EP400: variants seen among roughly 807,000 people sequenced by gnomAD.
EP400 encodes E1A-binding protein p400.
A neutral mutation model predicts 354.1 loss-of-function variants in EP400; 105 were observed. That is an observed-to-expected ratio of 0.30 (90% CI 0.25 to 0.35). The LOEUF is 0.35. Ranked by LOEUF, EP400 falls within the 10% of genes least tolerant of loss-of-function variation. EP400 has a pLI of 1.00. For missense variants in EP400, 3,280 were observed against 4,121.0 expected (o/e 0.80, Z 5.59); for synonymous variants, 1,646 against 1,716.9 (o/e 0.96, Z 1.02).
chr12:132,077,571 C>T lies in EP400; in HGVS notation c.9270C>T (p.Ala3090=), dbSNP rs1334666014. Residue 3090 remains alanine (A), a synonymous_variant, in exon 53 of 53, where the codon GCC becomes GCT. Coordinates refer to ENST00000389561, the MANE Select transcript of EP400 (RefSeq NM_015409.5). ...AGACTCCAGGCGCTCCCAACCCAGC[C>T]CAGGTGCCCGCCAGCTCCGACAGCC... is the stretch of plus-strand genomic sequence containing the variant. ...PLQTPGAPNP[A]QVPASSDSPS... The T allele has an allele frequency of 6.2e-7, 1 of 1,613,906 alleles. No individual in the cohort carries two copies. Among genetic ancestry groups the T allele is most frequent in the South Asian group, 1.1e-5 (1 of 91,074 alleles).
chr12:132,040,463 C>T (rs1343981082), intron 32 of EP400, among the ~76,000 whole-genome samples: 5 of 152,208 alleles, frequency 3.3e-5, no homozygotes, highest in Non-Finnish European at 7.3e-5. Flanking sequence ...GGAATCAACC[C>T]AAGTGTCCAT....
intron 1 of EP400, among the ~76,000 whole-genome samples, chr12:131,952,789 A>G (rs1001140807): frequency 6.6e-6 from 1 of 152,020 alleles, no homozygotes; most frequent in Admixed American, 6.6e-5. Flanking sequence ...CCTTGGTGTG[A>G]ACGTACCGGT....
chr12:131,962,844 A>G (rs978797619), intron 2 of EP400, among the ~76,000 whole-genome samples: 1 of 152,236 alleles, frequency 6.6e-6, no homozygotes, highest in African/African-American at 2.4e-5. Context: ...AGTTAAAATA[A>G]TTTAAATCTT....
Position 132,069,439 on chromosome 12 carries a change from G to A in EP400, c.8875-56G>A, listed in dbSNP as rs887511297. The A allele has an allele frequency of 4.8e-5, 76 of 1,588,538 alleles. No homozygotes were observed. In the East Asian group the frequency reaches 9.9e-4, roughly 21 times the overall value. ...AGGGCCCAGAGCGGGCAGGCGTCCC[G>A]GGAGTCTTGAGCGCGGCATGGTCTC... On this transcript the variant is annotated intron_variant, in intron 50 of 52. Transcript: ENST00000389561.
At chr12:131,995,075 A>G (rs1893158410) in intron 12 of EP400, 119 bp downstream of exon 12, 3 of 964,800 alleles carry the variant, frequency 3.1e-6, no homozygotes, top group South Asian at 3.1e-5. Flanking sequence ...TATGGAAAAC[A>G]GTCCCTGTGT....
intron 19 of EP400, among the ~76,000 whole-genome samples, chr12:132,015,816 T>C (rs1893909459): frequency 6.6e-6 from 1 of 152,164 alleles, no homozygotes; most frequent in Admixed American, 6.5e-5. Flanking sequence ...AATCAAGTGT[T>C]TGGGCGCTGT....
Position 132,028,049 on chromosome 12 carries a change from G to A in EP400, c.5142G>A (p.Leu1714=), listed in dbSNP as rs139633499. The change falls in exon 27 of 53, where the codon CTG becomes CTA. Residue 1714 remains leucine, a synonymous_variant. Transcript: ENST00000389561. ...EEKTRLLKER[L]DQIYLVNERR... is the part of the protein sequence containing the mutation. ...AGACCAGACTCTTGAAAGAGCGCCT[G>A]GATCAGATTTATTTAGTCAACGAGC... 1.9e-6 allele frequency: 3 copies of A among 1,614,088 alleles called. No individual in the cohort carries two copies. Among genetic ancestry groups the A allele is most frequent in the South Asian group, 2.2e-5 (2 of 91,082 alleles).
chr12:131,979,673 T>G, intron 2 of EP400, 21 bp from the exon 3 acceptor site: 1 of 1,596,726 alleles, frequency 6.3e-7, no homozygotes. Context: ...CAAAATCTCA[T>G]TTTTTCATCT....
At chr12:132,023,222 T>G (rs2136545361) in intron 23 of EP400, among the ~76,000 whole-genome samples, 1 of 147,250 alleles carries the variant, frequency 6.8e-6, no homozygotes, top group Admixed American at 6.9e-5. Context: ...AACCTCTGCC[T>G]CCCGGGTTCA....
intron 9 of EP400, among the ~76,000 whole-genome samples, 179 bp from the exon 10 acceptor site, chr12:131,991,228 A>G (rs943781634): frequency 6.6e-6 from 1 of 152,214 alleles, no homozygotes; most frequent in Admixed American, 6.5e-5. Context: ...GCTGAAAGTC[A>G]TAGAGCCACA....
Position 132,066,770 on chromosome 12 carries a change from T to G in EP400, c.8554-4T>G. The G allele has an allele frequency of 6.2e-7, 1 of 1,613,574 alleles. No individual in the cohort carries two copies. On this transcript the variant is annotated splice_region_variant and splice_polypyrimidine_tract_variant and intron_variant, in intron 48 of 52. Transcript: ENST00000389561. ...TGGACTCTCCCATTATTTCTACTGTTTAGACCCGGGTTCCCACTTCTCAGC... is the reference window on the plus strand; with the variant it reads ...TGGACTCTCCCATTATTTCTACTGTGTAGACCCGGGTTCCCACTTCTCAGC...
Position 132,064,841 on chromosome 12 carries a change from C to G in EP400, c.8508C>G (p.Ala2836=), listed in dbSNP as rs766236469. 3 of 1,611,874 alleles carry G rather than the reference C, an allele frequency of 1.9e-6. No individual in the cohort carries two copies. Among genetic ancestry groups the G allele is most frequent in the Admixed American group, 1.7e-5 (1 of 59,872 alleles). ...LTTVTAPRPG[A]LLTGTTVANL... is the part of the protein sequence containing the mutation. ...CGGTCACGGCCCCAAGGCCTGGTGC[C>G]CTGCTGACGGGCACCACCGTGGCCA... is the stretch of plus-strand genomic sequence containing the variant. Residue 2836 remains alanine (A), a synonymous_variant, in exon 48 of 53, where the codon GCC becomes GCG. Coordinates refer to ENST00000389561, the MANE Select transcript of EP400 (RefSeq NM_015409.5).
rs751306527 is a variant in EP400, at chr12:132,006,892, G to GT, written c.3304+22dup. The GT allele has an allele frequency of 1.6e-5, 26 of 1,613,462 alleles. No homozygotes were observed. Among genetic ancestry groups the GT allele is most frequent in the East Asian group, 4.5e-5 (2 of 44,874 alleles). On this transcript the variant is annotated intron_variant, in intron 15 of 52. Coordinates refer to ENST00000389561, the MANE Select transcript of EP400 (RefSeq NM_015409.5). ...TTGTAACGAAGGTAAGAGTTTGCTA[G>GT]TTTTTTTAACAATACCTATTTGCTA...
intron 35 of EP400, 106 bp from the exon 36 acceptor site, chr12:132,044,565 T>A (rs1895020660): frequency 1.2e-5 from 17 of 1,389,060 alleles, no homozygotes; most frequent in Non-Finnish European, 1.7e-5. Flanking sequence ...GTCATGTTGA[T>A]CAGAACTTAT....
intron 11 of EP400, among the ~76,000 whole-genome samples, chr12:131,992,760 G>C (rs970992982): frequency 6.6e-6 from 1 of 152,186 alleles, no homozygotes. Context: ...GAGACAGAGT[G>C]GGGAGCAGGA....
At position 132,025,752 on chromosome 12, in the gene EP400, G is replaced by A. The variant is rs376562220; in HGVS notation, c.4962G>A (p.Leu1654=). The A allele has an allele frequency of 7.4e-6, 12 of 1,612,260 alleles. No individual in the cohort carries two copies. The highest frequency in any genetic ancestry group is 1.3e-5 in the African/African-American group (1 of 74,922). The change falls in exon 25 of 53, where the codon CTG becomes CTA. Residue 1654 remains leucine, a synonymous_variant. Transcript: ENST00000389561. The surrounding 1 kb of genome is among the most constrained non-coding windows in gnomAD (Gnocchi z 4.1). ...AGGCGGGCGCTGTGCACGGCGCCCT[G>A]GGAAGCAAGCCCCCGGCCGGCGGTC... ...VSQAGAVHGA[L]GSKPPAGGPS... is the part of the protein sequence containing the mutation.
chr12:131,981,421 G>GT, intron 3 of EP400, 68 bp from the exon 4 acceptor site: 1 of 1,314,554 alleles, frequency 7.6e-7, no homozygotes, highest in Non-Finnish European at 1.1e-6. Context: ...AAACACACAT[G>GT]TTTTTTTCTA....
At chr12:131,998,666 T>C (rs1364752229) in intron 12 of EP400, among the ~76,000 whole-genome samples, 1 of 142,288 alleles carries the variant, frequency 7.0e-6, no homozygotes, top group East Asian at 2.2e-4. Context: ...TACAAAGACT[T>C]TGTATACAGT....
At position 132,027,597 on chromosome 12, in the gene EP400, G is replaced by A; in HGVS notation, c.5109+66G>A. On this transcript the variant is annotated intron_variant, in intron 26 of 52. Transcript: ENST00000389561. This position sits in a 1 kb window ranked among gnomAD's most constrained non-coding sequence, Gnocchi z 4.9. ...TAGCTTTCCAAGAGCTGCTCGTTGTGTTTGGTTGTGATATTTAAAGGCTCC... is the reference window on the plus strand; with the variant it reads ...TAGCTTTCCAAGAGCTGCTCGTTGTATTTGGTTGTGATATTTAAAGGCTCC... 1 of 1,349,914 alleles carries A rather than the reference G, an allele frequency of 7.4e-7. No individual in the cohort carries two copies. The highest frequency in any genetic ancestry group is 2.4e-5 in the East Asian group (1 of 41,860). 83.6% of individuals were successfully genotyped at this position (1,349,914 alleles called of 1,614,324 possible).
Sources: allele counts gnomAD v4.1 joint callset (sites outside exome capture counted in the v4.1 genomes callset), GRCh38; gene constraint gnomAD v4.1.1; non-coding constraint Gnocchi (gnomAD v3.1); transcripts MANE v1.5; gene names NCBI Gene and HGNC (gene_info 2026-07-23, HGNC 2026-07-21).